ATP2A2: variants seen among roughly 807,000 people sequenced by gnomAD.
ATP2A2 encodes the protein ATPase sarcoplasmic/endoplasmic reticulum Ca2+ transporting 2, also known as sarcoplasmic/endoplasmic reticulum calcium ATPase 2.
In ATP2A2, 14 loss-of-function variants were observed where a neutral mutation model predicts 109.3. That is an observed-to-expected ratio of 0.13 (90% confidence interval 0.08 to 0.20). The LOEUF (loss-of-function observed/expected upper bound fraction) is 0.20, where lower values mean the gene tolerates loss of function less well. ATP2A2 is among the 10% of genes least tolerant of loss of function. The probability of loss-of-function intolerance (pLI) is 1.00; values close to 1 mark genes in which losing one functional copy is unlikely to be tolerated. For synonymous variants in ATP2A2, 506 were observed against 490.9 expected (o/e 1.03, Z -0.41); for missense variants, 657 against 1,321.6 (o/e 0.50, Z 7.80).
At position 110,291,783 on chromosome 12, in the gene ATP2A2, A is replaced by T. The variant is rs190363910; in HGVS notation, c.220-237A>T. 2.2e-3 allele frequency among the ~76,000 whole-genome samples: 328 copies of T among 151,164 alleles called. 1 individual carries two copies. The highest frequency in any genetic ancestry group is 7.7e-3 in the African/African-American group (315 of 41,140). On this transcript the variant is annotated intron_variant, in intron 3 of 19. Coordinates refer to ENST00000539276, the MANE Select transcript of ATP2A2 (RefSeq NM_170665.4). ...TGCCTCAGCCTCCTGAGTAGCTGGG[A>T]TTACAGGCACCTACCACCATGTCCA...
rs375905671 is a variant in ATP2A2, at chr12:110,349,945, A to G, written c.*3475A>G. ...CTACTGGCTGCTCACTTCTCCATCA[A>G]CCTCACCCTCTGCACCACTAACCAA... On this transcript the variant is annotated 3_prime_UTR_variant, in exon 20 of 20. Coordinates refer to ENST00000539276, the MANE Select transcript of ATP2A2 (RefSeq NM_170665.4). 2.0e-5 allele frequency: 24 copies of G among 1,203,834 alleles called. No individual in the cohort carries two copies. The highest frequency in any genetic ancestry group is 1.9e-5 in the South Asian group (1 of 51,336). 74.6% of individuals were successfully genotyped at this position (1,203,834 alleles called of 1,614,324 possible). A position where few individuals can be genotyped will look rare whatever the true frequency, so the allele number is the denominator to read the frequency against.
chr12:110,327,448 A>G lies in ATP2A2; in HGVS notation c.631-105A>G, dbSNP rs1877920442. On this transcript the variant is annotated intron_variant, in intron 7 of 19. Transcript: ENST00000539276. The surrounding 1 kb of genome is among the most constrained non-coding windows in gnomAD (Gnocchi z 4.4). ...TTGAACAGTAGCCAGTGGAAGACCTAGTAGAATGTGTAGAGAATCTGGGTG... is the reference window on the plus strand; with the variant it reads ...TTGAACAGTAGCCAGTGGAAGACCTGGTAGAATGTGTAGAGAATCTGGGTG... The G allele has an allele frequency of 3.9e-6, 4 of 1,021,210 alleles. No individual in the cohort carries two copies. Among genetic ancestry groups the G allele is most frequent in the Non-Finnish European group, 3.1e-6 (2 of 640,784 alleles). 63.3% of individuals were successfully genotyped at this position (1,021,210 alleles called of 1,614,324 possible). A position where few individuals can be genotyped will look rare whatever the true frequency, so the allele number is the denominator to read the frequency against.
At chr12:110,288,013 C>T (rs1180382210) in intron 3 of ATP2A2, among the ~76,000 whole-genome samples, 1 of 151,748 alleles carries the variant, frequency 6.6e-6, no homozygotes, top group Non-Finnish European at 1.5e-5. Context: ...GATTATAGCT[C>T]ACTGCAGCCT....
chr12:110,337,659 T>C (rs1241452914), intron 11 of ATP2A2, among the ~76,000 whole-genome samples: 1 of 152,234 alleles, frequency 6.6e-6, no homozygotes, highest in Non-Finnish European at 1.5e-5. Context: ...GGGATTTCTA[T>C]GATGATTTTT....
At chr12:110,345,005 G>T in intron 17 of ATP2A2, 34 bp downstream of exon 17, 1 of 1,605,842 alleles carries the variant, frequency 6.2e-7, no homozygotes, top group South Asian at 1.1e-5. Context: ...TACCTTACAT[G>T]AGAAGTGTTG....
chr12:110,347,571 T>C lies in ATP2A2; in HGVS notation c.*1101T>C. The C allele has an allele frequency of 8.0e-7, 1 of 1,252,702 alleles. No homozygotes were observed. The highest frequency in any genetic ancestry group is 1.0e-6 in the Non-Finnish European group (1 of 967,436). 77.6% of individuals were successfully genotyped at this position (1,252,702 alleles called of 1,614,324 possible). The stretch of plus-strand genomic sequence containing the variant: ...GAGAACATAAGGGCAAGTGTGTATG[T>C]GTGTGTATGTGTGTGTTTTGTAAAA... On this transcript the variant is annotated 3_prime_UTR_variant, in exon 20 of 20. Transcript: ENST00000539276.
At chr12:110,301,468 C>T (rs1393131059) in intron 5 of ATP2A2, among the ~76,000 whole-genome samples, 1 of 151,884 alleles carries the variant, frequency 6.6e-6, no homozygotes, top group Non-Finnish European at 1.5e-5. Flanking sequence ...TTGATTTTTT[C>T]CCCCCTCTTA....
chr12:110,348,050 A>G lies in ATP2A2; in HGVS notation c.*1580A>G. The G allele has an allele frequency of 1.0e-6, 1 of 986,446 alleles. No individual in the cohort carries two copies. The highest frequency in any genetic ancestry group is 1.2e-6 in the Non-Finnish European group (1 of 830,704). The allele number at this position is 986,446 out of a possible 1,614,324, so 61.1% of individuals were successfully genotyped here. A position where few individuals can be genotyped will look rare whatever the true frequency, so the allele number is the denominator to read the frequency against. On this transcript the variant is annotated 3_prime_UTR_variant, in exon 20 of 20. Coordinates refer to ENST00000539276, the MANE Select transcript of ATP2A2 (RefSeq NM_170665.4). Reference sequence around the variant, plus strand: ...GACCAGGAGGGCCCAAGCCAGACAAAAGCCGGAGTGGGGAGAGAGGCATTT... The same window carrying G: ...GACCAGGAGGGCCCAAGCCAGACAAGAGCCGGAGTGGGGAGAGAGGCATTT...
chr12:110,310,827 GA>G (rs923477484), intron 5 of ATP2A2, among the ~76,000 whole-genome samples: 1 of 152,216 alleles, frequency 6.6e-6, no homozygotes, highest in African/African-American at 2.4e-5. Context: ...CAATTTAAAG[GA>G]AGGAAACTTT....
intron 1 of ATP2A2, 29 bp from the exon 2 acceptor site, chr12:110,282,575 A>G (rs1566195672): frequency 2.5e-6 from 4 of 1,613,120 alleles, no homozygotes; most frequent in Non-Finnish European, 3.4e-6. Context: ...CTCTTGACAC[A>G]TTGCTTGACG....
At chr12:110,293,826 A>ATGTGTG (rs59260681) in intron 4 of ATP2A2, among the ~76,000 whole-genome samples, 5,563 of 108,508 alleles carry the variant, frequency 0.051, 394 homozygotes, top group African/African-American at 0.15. Context: ...TGCCATATAT[A>ATGTGTG]TGTGTGTGTG....
chr12:110,313,851 C>G lies in ATP2A2; in HGVS notation c.464-9141C>G, dbSNP rs963107440. ...TCAGCTTTCCCATTAGCTGGAATTA[C>G]AGGTGTGCACCACCCCACCTGGCTA... On this transcript the variant is annotated intron_variant, in intron 5 of 19. Transcript: ENST00000539276. 2.2e-4 allele frequency among the ~76,000 whole-genome samples: 33 copies of G among 150,760 alleles called. 1 individual carries two copies. The highest frequency in any genetic ancestry group is 1.9e-3 in the South Asian group (9 of 4,744).
Position 110,350,260 on chromosome 12 carries a change from T to C in ATP2A2, c.*3790T>C, listed in dbSNP as rs777001875. 2 of 1,614,246 alleles carry C rather than the reference T, an allele frequency of 1.2e-6. No homozygotes were observed. Among genetic ancestry groups the C allele is most frequent in the South Asian group, 1.1e-5 (1 of 91,088 alleles). ...TCTAACGTTTCCTCTCTGTATTTCA[T>C]GAAGCTGATTTCCTCTCTCTTTCCT... On this transcript the variant is annotated 3_prime_UTR_variant, in exon 20 of 20. Coordinates refer to ENST00000539276, the MANE Select transcript of ATP2A2 (RefSeq NM_170665.4).
chr12:110,307,099 C>A (rs370836031), intron 5 of ATP2A2, among the ~76,000 whole-genome samples: 1 of 151,980 alleles, frequency 6.6e-6, no homozygotes, highest in African/African-American at 2.4e-5. Flanking sequence ...GTAATGGGAT[C>A]GCTGGGTTGA....
At chr12:110,285,519 AACAG>A (rs1259626972) in intron 3 of ATP2A2, among the ~76,000 whole-genome samples, 1 of 152,210 alleles carries the variant, frequency 6.6e-6, no homozygotes, top group African/African-American at 2.4e-5. Context: ...TAGTGAATAA[AACAG>A]ACAGAGACCC....
chr12:110,329,277 A>G (rs1246167840), intron 8 of ATP2A2: 2 of 152,206 alleles, frequency 1.3e-5, no homozygotes, highest in Non-Finnish European at 2.9e-5. Context: ...AAAAATGTAC[A>G]TGTTCAGTAC....
At chr12:110,313,386 C>A (rs1876313247) in intron 5 of ATP2A2, among the ~76,000 whole-genome samples, 1 of 141,992 alleles carries the variant, frequency 7.0e-6, no homozygotes, top group African/African-American at 2.7e-5. Context: ...GATCTCGGCT[C>A]ACTGCAAGCT....
chr12:110,311,650 C>A (rs909864442), intron 5 of ATP2A2, among the ~76,000 whole-genome samples: 2 of 136,358 alleles, frequency 1.5e-5, no homozygotes, highest in African/African-American at 5.5e-5. Flanking sequence ...TGAGCTATAG[C>A]GTCCAGCTAA....
At position 110,333,242 on chromosome 12, in the gene ATP2A2, A is replaced by G. The variant is rs979112174; in HGVS notation, c.1246A>G (p.Ile416Val). The G allele has an allele frequency of 1.2e-6, 2 of 1,613,870 alleles. No individual in the cohort carries two copies. Among genetic ancestry groups the G allele is most frequent in the African/African-American group, 2.7e-5 (2 of 74,904 alleles). Reference protein sequence around the residue: ...QYDGLVELATICALCNDSALD... With the variant: ...QYDGLVELATVCALCNDSALD... ...TGATGGTCTGGTAGAATTAGCAACA[A>G]TTTGTGCTCTTTGTAATGACTCTGC... The change falls in exon 10 of 20, where the codon ATT (isoleucine) becomes GTT (valine). Residue 416 changes from isoleucine to valine, a missense_variant. Coordinates refer to ENST00000539276, the MANE Select transcript of ATP2A2 (RefSeq NM_170665.4).
Sources: gnomAD v4.1 joint callset for allele counts (sites outside exome capture counted in the v4.1 genomes callset) on GRCh38, gnomAD v4.1.1 for gene constraint, Gnocchi (gnomAD v3.1) non-coding constraint, MANE v1.5 for transcripts, NCBI Gene and HGNC (gene_info 2026-07-23, HGNC 2026-07-21) for gene names.